The following PLEKHS1 variants were observed in gnomAD, a reference collection of about 807,000 sequenced individuals.
PLEKHS1 encodes pleckstrin homology domain containing S1, also known as pleckstrin homology domain-containing family S member 1.
In PLEKHS1, 55 loss-of-function variants were observed where a neutral mutation model predicts 51.0. The ratio of observed to expected loss-of-function variants is 1.08; its 90% CI spans 0.87 to 1.35. PLEKHS1 has a LOEUF of 1.35. Among genes scored for constraint, PLEKHS1 ranks in the 40% most tolerant of loss-of-function variants. PLEKHS1 has a pLI of 0.00. For synonymous variants in PLEKHS1, 153 were observed against 144.8 expected, an observed-to-expected ratio of 1.06 and a Z score of -0.41; for missense variants, 398 against 423.0, an observed-to-expected ratio of 0.94 and a Z score of 0.52.
At chr10:113,777,185 C>T in intron 11 of PLEKHS1, 1 of 1,612,850 alleles carries the variant, frequency 6.2e-7, no homozygotes, top group Non-Finnish European at 8.5e-7. Flanking sequence ...AGATCATCTT[C>T]TGGCAGTGAA....
chr10:113,759,791 C>T (rs748200506), intron 2 of PLEKHS1, among the ~76,000 whole-genome samples: 26 of 152,132 alleles, frequency 1.7e-4, no homozygotes, highest in Non-Finnish European at 3.5e-4. Context: ...TACCTAGAAT[C>T]AAAATGGCTG....
intron 2 of PLEKHS1, among the ~76,000 whole-genome samples, chr10:113,758,151 T>A (rs1017436482): frequency 2.6e-5 from 4 of 152,258 alleles, no homozygotes; most frequent in African/African-American, 9.6e-5. Context: ...ATCATGAATA[T>A]TTTTATGACA....
chr10:113,776,038 C>T (rs763212673), intron 11 of PLEKHS1, among the ~76,000 whole-genome samples, 172 bp downstream of exon 11: 1 of 152,138 alleles, frequency 6.6e-6, no homozygotes, highest in Non-Finnish European at 1.5e-5. Context: ...AAATCAGGGT[C>T]TTGTTGTGCA....
intron 7 of PLEKHS1, 56 bp downstream of exon 7, chr10:113,769,956 A>C: frequency 8.0e-7 from 1 of 1,248,776 alleles, no homozygotes; most frequent in Non-Finnish European, 1.2e-6. Context: ...GCTAATGCCT[A>C]AAAATCTTAC....
At chr10:113,751,899 C>T (rs1195482698) in intron 1 of PLEKHS1, 138 bp downstream of exon 1, 2 of 152,164 alleles carry the variant, frequency 1.3e-5, no homozygotes, top group Non-Finnish European at 2.9e-5. Flanking sequence ...GCACTTTCTT[C>T]ATAAGCTTCC....
rs966031764 is a variant in PLEKHS1, at chr10:113,768,805, C to T, written c.360-10C>T. 6 of 1,609,704 alleles carry T rather than the reference C, an allele frequency of 3.7e-6. No homozygotes were observed. ...CCACATGCCAACTGAAAGTTTATTC[C>T]TGTCAACAGGGAGAAGATTAAAGAC... On this transcript the variant is annotated splice_polypyrimidine_tract_variant and intron_variant, in intron 5 of 11. Coordinates refer to ENST00000361048, the Ensembl canonical transcript of PLEKHS1.
chr10:113,774,582 G>A (rs1382059319), intron 9 of PLEKHS1, among the ~76,000 whole-genome samples: 1 of 152,072 alleles, frequency 6.6e-6, no homozygotes, highest in Non-Finnish European at 1.5e-5. Context: ...TTGCATTTAT[G>A]TCTCTCACAC....
At chr10:113,783,362 A>G (rs1331640748), downstream of PLEKHS1, 1 of 152,262 alleles carries the variant, frequency 6.6e-6, no homozygotes, top group Non-Finnish European at 1.5e-5. Context: ...GAATGAAAGA[A>G]TCAAGTTGTA....
Position 113,766,409 on chromosome 10 carries a change from A to T in PLEKHS1, c.29-2A>T, listed in dbSNP as rs1431755201. On this transcript the variant is annotated splice_acceptor_variant, in intron 2 of 11. Coordinates refer to ENST00000361048, the Ensembl canonical transcript of PLEKHS1. LOFTEE classifies it high-confidence loss of function. The stretch of plus-strand genomic sequence containing the variant: ...AAACTGAGTTCTGTTCACTTTTATT[A>T]GGCAAACAATTTACATTTTCTTATG... 1 of 1,536,762 alleles carries T rather than the reference A, an allele frequency of 6.5e-7. No homozygotes were observed. The highest frequency in any genetic ancestry group is 1.8e-5 in the Admixed American group (1 of 54,280).
intron 9 of PLEKHS1, 85 bp downstream of exon 9, chr10:113,774,418 T>C (rs549006464): frequency 2.5e-6 from 2 of 804,266 alleles, no homozygotes; most frequent in East Asian, 2.6e-5. Flanking sequence ...CAATAGTTGA[T>C]AAACTGATGC....
At chr10:113,758,128 C>T (rs887098109) in intron 2 of PLEKHS1, among the ~76,000 whole-genome samples, 24 of 152,186 alleles carry the variant, frequency 1.6e-4, no homozygotes, top group African/African-American at 4.6e-4. Flanking sequence ...GATATTTTGA[C>T]CTCCTTCTAG....
intron 11 of PLEKHS1, chr10:113,777,653 A>G (rs1278821667): frequency 6.5e-7 from 1 of 1,529,872 alleles, no homozygotes; most frequent in East Asian, 2.5e-5. Context: ...TAATATGTGT[A>G]ACGTGCTTAC....
chr10:113,754,538 T>A (rs957736917), intron 1 of PLEKHS1, among the ~76,000 whole-genome samples: 1 of 152,128 alleles, frequency 6.6e-6, no homozygotes, highest in Non-Finnish European at 1.5e-5. Flanking sequence ...AGTGGAGTGA[T>A]CTCGGCTCAC....
intron 4 of PLEKHS1, among the ~76,000 whole-genome samples, chr10:113,767,034 TA>T (rs1844196107): frequency 6.6e-6 from 1 of 152,210 alleles, no homozygotes; most frequent in African/African-American, 2.4e-5. Context: ...GATAGAGTTT[TA>T]AAAAATATTT....
chr10:113,774,697 A>T, intron 9 of PLEKHS1, 129 bp from the exon 10 acceptor site: 1 of 765,374 alleles, frequency 1.3e-6, no homozygotes, highest in Non-Finnish European at 2.2e-6. Context: ...TGTGATTCTG[A>T]TAGTTGGACA....
intron 11 of PLEKHS1, chr10:113,778,148 A>T: frequency 6.2e-6 from 1 of 160,178 alleles, no homozygotes; most frequent in Non-Finnish European, 1.4e-5. Context: ...CTGTGACCTT[A>T]GGAAATTCAC....
chr10:113,776,381 A>G (rs1413524942), intron 11 of PLEKHS1, among the ~76,000 whole-genome samples: 1 of 152,236 alleles, frequency 6.6e-6, no homozygotes, highest in African/African-American at 2.4e-5. Flanking sequence ...TGTCTATTTG[A>G]TATGGCATTT....
chr10:113,780,529 G>A, intron 11 of PLEKHS1, 73 bp from the exon 13 acceptor site: 1 of 1,402,046 alleles, frequency 7.1e-7, no homozygotes, highest in Non-Finnish European at 1.0e-6. Flanking sequence ...GGGTATGAAT[G>A]AGGACAGATT....
At chr10:113,756,460 C>CA (rs1564815517) in intron 2 of PLEKHS1, among the ~76,000 whole-genome samples, 1 of 151,976 alleles carries the variant, frequency 6.6e-6, no homozygotes, top group East Asian at 1.9e-4. Context: ...GACTCTGTCT[C>CA]AAAAAAATAA....
Sources: gnomAD v4.1 joint callset for allele counts (sites outside exome capture counted in the v4.1 genomes callset) on GRCh38, gnomAD v4.1.1 for gene constraint, MANE v1.5 for transcripts, NCBI Gene and HGNC (gene_info 2026-07-23, HGNC 2026-07-21) for gene names.